Variants in RALGAPA1 observed in about 807,000 individuals in gnomAD.
RALGAPA1 encodes Ral GTPase activating protein catalytic subunit alpha 1, also known as ral GTPase-activating protein subunit alpha-1.
A neutral mutation model predicts 269.6 loss-of-function variants in RALGAPA1; 52 were observed. The ratio of observed to expected loss-of-function variants is 0.19; its 90% confidence interval spans 0.15 to 0.24. The LOEUF (loss-of-function observed/expected upper bound fraction) is 0.24, where lower values mean the gene tolerates loss of function less well. RALGAPA1 is among the 10% of genes least tolerant of loss of function. RALGAPA1 has a pLI of 1.00. For synonymous variants in RALGAPA1, 817 were observed against 1,008.3 expected (o/e 0.81, Z 3.60); for missense variants, 1,917 against 3,013.9 (o/e 0.64, Z 8.52).
intron 39 of RALGAPA1, among the ~76,000 whole-genome samples, chr14:35,555,971 A>C (rs2055556612): frequency 1.3e-5 from 2 of 152,202 alleles, no homozygotes; most frequent in Non-Finnish European, 2.9e-5. Context: ...ATATTAGTAG[A>C]GTAAAATACT....
chr14:35,587,211 A>C (rs1345534829), intron 37 of RALGAPA1, among the ~76,000 whole-genome samples: 1 of 152,144 alleles, frequency 6.6e-6, no homozygotes, highest in East Asian at 1.9e-4. Context: ...GTGTCCAGGA[A>C]TTTATCCATT....
At chr14:35,540,747 T>C (rs2053891669) in intron 41 of RALGAPA1, among the ~76,000 whole-genome samples, 1 of 149,474 alleles carries the variant, frequency 6.7e-6, no homozygotes, top group African/African-American at 2.6e-5. Flanking sequence ...ACATGAAAAT[T>C]TTCTTTATGT....
chr14:35,621,524 A>T (rs1334095358), intron 35 of RALGAPA1, among the ~76,000 whole-genome samples: 1 of 152,220 alleles, frequency 6.6e-6, no homozygotes, highest in Non-Finnish European at 1.5e-5. Context: ...GGATCTGATT[A>T]AACTAAAGAG....
intron 39 of RALGAPA1, among the ~76,000 whole-genome samples, chr14:35,561,838 G>T (rs2056288883): frequency 6.6e-6 from 1 of 152,004 alleles, no homozygotes; most frequent in African/African-American, 2.4e-5. Context: ...CTGAATACAG[G>T]AGATTTAAAT....
At chr14:35,599,044 C>T (rs975332913) in intron 36 of RALGAPA1, among the ~76,000 whole-genome samples, 1 of 152,144 alleles carries the variant, frequency 6.6e-6, no homozygotes, top group Non-Finnish European at 1.5e-5. Flanking sequence ...CATAACTTAT[C>T]ACAGCCTACT....
At chr14:35,626,835 A>G (rs571490231) in intron 34 of RALGAPA1, among the ~76,000 whole-genome samples, 5 of 152,256 alleles carry the variant, frequency 3.3e-5, no homozygotes, top group African/African-American at 9.6e-5. Context: ...GAAGGTTGAA[A>G]AATGAGCTAT....
Position 35,769,276 on chromosome 14 carries a change from C to A in RALGAPA1, c.325+1666G>T, listed in dbSNP as rs190611270. Among the ~76,000 whole-genome samples, 233 of 151,660 alleles carry A rather than the reference C, an allele frequency of 1.5e-3. 3 individuals are homozygous for A. The highest frequency in any genetic ancestry group is 4.8e-3 in the South Asian group (23 of 4,796). ...ATATAGCCATTAAAAAGAATGAAAT[C>A]ATGTCCGGTGCAGCAACATTTAGCA... On this transcript the variant is annotated intron_variant, in intron 4 of 41. Transcript: ENST00000680220.
At chr14:35,803,772 A>G (rs973632963) in intron 1 of RALGAPA1, among the ~76,000 whole-genome samples, 1 of 151,774 alleles carries the variant, frequency 6.6e-6, no homozygotes, top group Non-Finnish European at 1.5e-5. Context: ...AGCTGGGATT[A>G]CAGTCATGTG....
chr14:35,740,341 T>C (rs1218290779), intron 11 of RALGAPA1, among the ~76,000 whole-genome samples: 1 of 152,204 alleles, frequency 6.6e-6, no homozygotes, highest in Non-Finnish European at 1.5e-5. Context: ...ATTTTGAAAT[T>C]TGTGAGTGTT....
At chr14:35,623,696 C>T (rs1014401827) in intron 35 of RALGAPA1, among the ~76,000 whole-genome samples, 7 of 152,100 alleles carry the variant, frequency 4.6e-5, no homozygotes, top group African/African-American at 1.7e-4. Flanking sequence ...ACGATTTGAC[C>T]TAAATAATTC....
chr14:35,614,071 G>A (rs893992000), intron 35 of RALGAPA1, among the ~76,000 whole-genome samples: 5 of 152,130 alleles, frequency 3.3e-5, no homozygotes, highest in Non-Finnish European at 5.9e-5. Flanking sequence ...AAAAAAGAAT[G>A]ACAATAACGA....
Position 35,673,122 on chromosome 14 carries a change from T to C in RALGAPA1, c.4918-100A>G, listed in dbSNP as rs546502505. ...CAAACGATGTATATAATCTCATTTATTTCCATGTTGGCCCAATTTCTTTAA... is the reference window on the plus strand; with the variant it reads ...CAAACGATGTATATAATCTCATTTACTTCCATGTTGGCCCAATTTCTTTAA... On this transcript the variant is annotated intron_variant, in intron 24 of 41. Coordinates refer to ENST00000680220, the MANE Select transcript of RALGAPA1 (RefSeq NM_001346249.2). 5.2e-5 allele frequency: 63 copies of C among 1,215,642 alleles called. No homozygotes were observed. In the African/African-American group the frequency reaches 9.5e-4, roughly 18 times the overall value. 75.3% of individuals were successfully genotyped at this position (1,215,642 alleles called of 1,614,324 possible). A position where few individuals can be genotyped will look rare whatever the true frequency, so the allele number is the denominator to read the frequency against.
intron 13 of RALGAPA1, among the ~76,000 whole-genome samples, chr14:35,727,310 CATA>C (rs1294850447): frequency 3.2e-4 from 33 of 104,476 alleles, no homozygotes; most frequent in Middle Eastern, 5.1e-3. Context: ...AAAATTATGG[CATA>C]TATATATATA....
chr14:35,748,471 C>T, intron 10 of RALGAPA1, 114 bp downstream of exon 10: 1 of 1,304,170 alleles, frequency 7.7e-7, no homozygotes, highest in East Asian at 2.7e-5. Context: ...ACCTCAGCCT[C>T]CTGAACAACT....
chr14:35,577,063 G>T (rs1325400871), intron 37 of RALGAPA1, among the ~76,000 whole-genome samples: 1 of 152,152 alleles, frequency 6.6e-6, no homozygotes, highest in East Asian at 1.9e-4. Flanking sequence ...GATGTGATTT[G>T]TTATGGTGAA....
At chr14:35,580,097 T>C (rs1727399298) in intron 37 of RALGAPA1, among the ~76,000 whole-genome samples, 1 of 152,194 alleles carries the variant, frequency 6.6e-6, no homozygotes, top group African/African-American at 2.4e-5. Context: ...TGAAACACTT[T>C]CCATTACACT....
chr14:35,585,206 G>A (rs1333940138), intron 37 of RALGAPA1, among the ~76,000 whole-genome samples: 1 of 152,092 alleles, frequency 6.6e-6, no homozygotes, highest in Non-Finnish European at 1.5e-5. Flanking sequence ...AACTCACAAG[G>A]AATATTCACC....
At position 35,776,237 on chromosome 14, in the gene RALGAPA1, T is replaced by C. The variant is rs142807568; in HGVS notation, c.107-492A>G. Among the ~76,000 whole-genome samples, 215 of 151,962 alleles carry C rather than the reference T, an allele frequency of 1.4e-3. 3 individuals carry two copies. The East Asian group carries it at 0.039, about 27-fold the overall frequency. On this transcript the variant is annotated intron_variant, in intron 1 of 41. Transcript: ENST00000680220. Reference sequence around the variant, plus strand: ...CTCTACTAAAAATACAAAAATCAGCTGGGTGTGGTGGCGTGCACCTGTAAT... The same window carrying C: ...CTCTACTAAAAATACAAAAATCAGCCGGGTGTGGTGGCGTGCACCTGTAAT...
intron 33 of RALGAPA1, among the ~76,000 whole-genome samples, chr14:35,633,892 G>A (rs1335275371): frequency 1.3e-5 from 2 of 151,988 alleles, no homozygotes; most frequent in South Asian, 2.1e-4. Context: ...ATGCAGAAAC[G>A]TGGCTTAAAA....
Sources: allele counts gnomAD v4.1 joint callset (sites outside exome capture counted in the v4.1 genomes callset), GRCh38; gene constraint gnomAD v4.1.1; transcripts MANE v1.5; gene names NCBI Gene and HGNC (gene_info 2026-07-23, HGNC 2026-07-21).